The following TNRC18 variants were observed in gnomAD, a reference collection of about 807,000 sequenced individuals.
TNRC18 encodes trinucleotide repeat containing 18.
Under a neutral mutation model 226.7 loss-of-function variants are expected in TNRC18, and 69 were observed. That is an observed-to-expected ratio of 0.30 (90% CI 0.25 to 0.37). The LOEUF is 0.37. TNRC18 is among the 10% of genes least tolerant of loss of function. The pLI, the probability that TNRC18 is intolerant of heterozygous loss-of-function variation, is 1.00. For synonymous variants in TNRC18, 2,449 were observed against 1,927.6 expected (o/e 1.27, Z -7.09); for missense variants, 4,754 against 4,256.6 (o/e 1.12, Z -3.25).
intron 3 of TNRC18, among the ~76,000 whole-genome samples, chr7:5,392,429 C>T (rs767235536): frequency 5.3e-5 from 8 of 151,934 alleles, no homozygotes; most frequent in Admixed American, 2.0e-4. Flanking sequence ...GCCTGACCAA[C>T]ATGGTAAAGC....
Position 5,312,902 on chromosome 7 carries a change from G to A in TNRC18, c.7989C>T (p.Ser2663=), listed in dbSNP as rs773482938. 6.6e-7 allele frequency: 1 copy of A among 1,511,246 alleles called. No individual in the cohort carries two copies. The highest frequency in any genetic ancestry group is 8.9e-7 in the Non-Finnish European group (1 of 1,126,618). The allele number at this position is 1,511,246 out of a possible 1,614,324, so 93.6% of individuals were successfully genotyped here. Residue 2663 remains serine, a synonymous_variant, in exon 27 of 30, where the codon TCC becomes TCT. Coordinates refer to ENST00000430969, the MANE Select transcript of TNRC18 (RefSeq NM_001080495.3). The surrounding 1 kb of genome is among the most constrained non-coding windows in gnomAD (Gnocchi z 6.3). ...SSSSSSSSSS[S]SSSSSSSSTT... is the part of the protein sequence containing the mutation. ...TGGAGGAAGAAGAGGAGGAAGAGGA[G>A]GAGGAGGAGGAGGATGAGGACGAGG...
chr7:5,324,429 G>C lies in TNRC18; in HGVS notation c.6301-74C>G. On this transcript the variant is annotated intron_variant, in intron 20 of 29. Transcript: ENST00000430969. The surrounding 1 kb of genome is among the most constrained non-coding windows in gnomAD (Gnocchi z 4.8). ...CCTGCCGGGTTGGGGACCCTCTCTG[G>C]AAACCTGGAGCCACAGTCAGGCCGC... is the stretch of plus-strand genomic sequence containing the variant. 1 of 1,565,166 alleles carries C rather than the reference G, an allele frequency of 6.4e-7. No individual in the cohort carries two copies. The highest frequency in any genetic ancestry group is 8.7e-7 in the Non-Finnish European group (1 of 1,153,144).
rs1562478402 is a variant in TNRC18 at position 5,313,178 on chromosome 7, G to A, written c.7713C>T (p.Ser2571=). ...SSSSSGSSSS[S]SSSSSSGSET... ...CCGAGCCGCTGCTGCTGCTGCTGCTGCTGCTGCTACTGCTGCCACTACTGC... is the reference window on the plus strand; with the variant it reads ...CCGAGCCGCTGCTGCTGCTGCTGCTACTGCTGCTACTGCTGCCACTACTGC... Residue 2571 remains serine (S), a synonymous_variant, in exon 27 of 30, where the codon AGC becomes AGT. Coordinates refer to ENST00000430969, the MANE Select transcript of TNRC18 (RefSeq NM_001080495.3). 1 of 1,543,526 alleles carries A rather than the reference G, an allele frequency of 6.5e-7. No homozygotes were observed. Among genetic ancestry groups the A allele is most frequent in the Non-Finnish European group, 8.7e-7 (1 of 1,144,574 alleles).
At chr7:5,365,499 A>G (rs906251570) in intron 11 of TNRC18, among the ~76,000 whole-genome samples, 3 of 152,140 alleles carry the variant, frequency 2.0e-5, no homozygotes, top group South Asian at 2.1e-4. Context: ...GAATATGACC[A>G]GGTGTGTGCA....
intron 21 of TNRC18, among the ~76,000 whole-genome samples, chr7:5,323,391 C>T (rs1252909280): frequency 6.0e-5 from 9 of 150,338 alleles, no homozygotes; most frequent in South Asian, 4.3e-4. Context: ...CCTGCACCCC[C>T]GACCCCACCT....
At chr7:5,355,970 G>C (rs1225637772) in intron 16 of TNRC18, among the ~76,000 whole-genome samples, 5 of 152,096 alleles carry the variant, frequency 3.3e-5, no homozygotes, top group African/African-American at 1.2e-4. Context: ...TTTAGGACCA[G>C]CCTGGCCAAC....
chr7:5,374,072 A>G lies in TNRC18; in HGVS notation c.3212T>C (p.Phe1071Ser). Residue 1071 changes from phenylalanine (F) to serine (S), a missense_variant, in exon 10 of 30, where the codon TTC becomes TCC. Coordinates refer to ENST00000430969, the MANE Select transcript of TNRC18 (RefSeq NM_001080495.3). ...CATCCTACCTGAGAACAGGGCCTGG[A>G]AGGGGCTGGGGGCTTCCTTCTCCAA... ...LELEKEAPSP[F>S]QALFSDIPPR... The G allele has an allele frequency of 6.4e-7, 1 of 1,574,404 alleles. No individual in the cohort carries two copies.
At position 5,370,806 on chromosome 7, in the gene TNRC18, T is replaced by C; in HGVS notation, c.3788A>G (p.Glu1263Gly). The C allele has an allele frequency of 6.2e-7, 1 of 1,607,892 alleles. No homozygotes were observed. Among genetic ancestry groups the C allele is most frequent in the African/African-American group, 1.3e-5 (1 of 74,920 alleles). Reference sequence around the variant, plus strand: ...CACCACGGGCACCGCCACAGGCACCTCCACCGGCTCCTCCTTGGCCTCCAC... The same window carrying C: ...CACCACGGGCACCGCCACAGGCACCCCCACCGGCTCCTCCTTGGCCTCCAC... ...TLVEAKEEPV[E>G]VPVAVPVVEA... The change falls in exon 11 of 30, where the codon GAG becomes GGG. Residue 1263 changes from glutamate to glycine, a missense_variant. Glu to Gly is a moderately conservative substitution (Grantham distance 98, BLOSUM62 -2). Transcript: ENST00000430969.
At chr7:5,356,284 G>C (rs576980608) in intron 16 of TNRC18, among the ~76,000 whole-genome samples, 1 of 151,818 alleles carries the variant, frequency 6.6e-6, no homozygotes, top group Non-Finnish European at 1.5e-5. Flanking sequence ...CTCCGCACCC[G>C]AGCGCACACA....
Position 5,320,006 on chromosome 7 carries a change from T to C in TNRC18, c.6745+312A>G, listed in dbSNP as rs964136508. 9 of 334,122 alleles carry C rather than the reference T, an allele frequency of 2.7e-5. 1 individual carries two copies. Among genetic ancestry groups the C allele is most frequent in the Admixed American group, 3.9e-5 (1 of 25,838 alleles). The allele number at this position is 334,122 out of a possible 1,614,324, so 20.7% of individuals were successfully genotyped here. A position where few individuals can be genotyped will look rare whatever the true frequency, so the allele number is the denominator to read the frequency against. Reference sequence around the variant, plus strand: ...GGCCCAAGTCAGTTCACACTAGAACTTGTGTGGGAAAACCGAGACTGAGAA... The same window carrying C: ...GGCCCAAGTCAGTTCACACTAGAACCTGTGTGGGAAAACCGAGACTGAGAA... On this transcript the variant is annotated intron_variant, in intron 24 of 29. Transcript: ENST00000430969.
At chr7:5,413,906 G>T (rs71531304) in intron 2 of TNRC18, among the ~76,000 whole-genome samples, 62,357 of 151,980 alleles carry the variant, frequency 0.41, 13,642 homozygotes, top group African/African-American at 0.55. Context: ...TACAATGAAT[G>T]GTCCTATGAC....
intron 11 of TNRC18, among the ~76,000 whole-genome samples, chr7:5,367,548 C>A (rs1178172667): frequency 6.6e-6 from 1 of 151,270 alleles, no homozygotes; most frequent in African/African-American, 2.4e-5. Flanking sequence ...CTGCCTCAGC[C>A]TCCCGAGTAG....
chr7:5,339,829 CA>C (rs1790511005), intron 18 of TNRC18, among the ~76,000 whole-genome samples: 1 of 151,870 alleles, frequency 6.6e-6, no homozygotes, highest in South Asian at 2.1e-4. Context: ...CTCGGCCTCC[CA>C]AAGTGCTGGG....
intron 11 of TNRC18, among the ~76,000 whole-genome samples, chr7:5,364,828 C>G (rs967661214): frequency 1.4e-5 from 2 of 145,138 alleles, no homozygotes; most frequent in Admixed American, 6.9e-5. Context: ...AAAAAAAGAT[C>G]TCAATCAGTA....
At chr7:5,387,064 A>C (rs111779220) in intron 5 of TNRC18, among the ~76,000 whole-genome samples, 3,370 of 152,300 alleles carry the variant, frequency 0.022, 137 homozygotes, top group African/African-American at 0.076. Context: ...ACAAGAGTGA[A>C]ACTCCGTTTC....
At chr7:5,366,119 T>C (rs564358561) in intron 11 of TNRC18, among the ~76,000 whole-genome samples, 18 of 151,932 alleles carry the variant, frequency 1.2e-4, no homozygotes, top group Non-Finnish European at 2.6e-4. Context: ...ACTATTCACA[T>C]TTCACTATTC....
At chr7:5,315,185 G>C (rs748010358) in intron 25 of TNRC18, 37 bp from the exon 26 acceptor site, 3 of 1,591,666 alleles carry the variant, frequency 1.9e-6, no homozygotes, top group Admixed American at 3.5e-5. Flanking sequence ...ATCAGGCCTG[G>C]GGTCCCCAGC....
At chr7:5,362,154 C>T in intron 12 of TNRC18, 121 bp from the exon 13 acceptor site, 1 of 1,158,152 alleles carries the variant, frequency 8.6e-7, no homozygotes, top group Non-Finnish European at 1.2e-6. Flanking sequence ...GGCTCGAGTC[C>T]CACCGCTGCC....
chr7:5,394,830 A>G lies in TNRC18; in HGVS notation c.188-235T>C, dbSNP rs1475349939. Among the ~76,000 whole-genome samples the G allele has an allele frequency of 6.6e-6, 1 of 151,994 alleles. No homozygotes were observed. The highest frequency in any genetic ancestry group is 2.4e-5 in the African/African-American group (1 of 41,382). On this transcript the variant is annotated intron_variant, in intron 2 of 29. Transcript: ENST00000430969. The surrounding 1 kb of genome is among the most constrained non-coding windows in gnomAD (Gnocchi z 4.5). The stretch of plus-strand genomic sequence containing the variant: ...CTTGAGAAAGCACAATACGGCAGGA[A>G]GCCCCCCACAGCAGACCCTCAGCCC...
Sources: allele counts gnomAD v4.1 joint callset (sites outside exome capture counted in the v4.1 genomes callset), GRCh38; gene constraint gnomAD v4.1.1; non-coding constraint Gnocchi (gnomAD v3.1); transcripts MANE v1.5; gene names NCBI Gene and HGNC (gene_info 2026-07-23, HGNC 2026-07-21).